MEI4: variants seen among roughly 807,000 people sequenced by gnomAD.
The protein encoded by MEI4 is meiotic double-stranded break formation protein 4, also known as meiosis-specific protein MEI4.
A neutral mutation model predicts 31.4 loss-of-function variants in MEI4; 27 were observed. The observed-to-expected ratio is 0.86, with a 90% CI of 0.63 to 1.19. The LOEUF (loss-of-function observed/expected upper bound fraction) is 1.19. Among genes scored for constraint, MEI4 ranks in the 50% most tolerant of loss-of-function variants. The pLI is 0.00. For missense variants in MEI4, 329 were observed against 398.9 expected (o/e 0.82, Z 1.49); for synonymous variants, 122 against 145.4 (o/e 0.84, Z 1.16).
chr6:77,665,122 TAAG>T (rs1768597918), intron 1 of MEI4, among the ~76,000 whole-genome samples: 1 of 149,400 alleles, frequency 6.7e-6, no homozygotes. Context: ...GGCGCAGAGA[TAAG>T]AGGTCGGGGC....
intron 4 of MEI4, among the ~76,000 whole-genome samples, chr6:77,831,621 T>C (rs34175887): frequency 0.092 from 13,948 of 151,682 alleles, 932 homozygotes; most frequent in East Asian, 0.31. Context: ...TGGATGGAAC[T>C]GTAGGTGATT....
intron 4 of MEI4, among the ~76,000 whole-genome samples, chr6:77,891,673 G>T (rs1179004755): frequency 1.3e-5 from 2 of 151,886 alleles, no homozygotes; most frequent in Non-Finnish European, 2.9e-5. Flanking sequence ...CTTTGAAATT[G>T]TCATGTTTCC....
At chr6:77,761,687 T>A (rs1161548554) in intron 3 of MEI4, 22 bp downstream of exon 3, 1 of 1,218,004 alleles carries the variant, frequency 8.2e-7, no homozygotes, top group Non-Finnish European at 1.0e-6. Context: ...ATCCCTCTTT[T>A]ATTCCTAAAA....
chr6:77,919,563 A>C (rs1476550302), intron 4 of MEI4, among the ~76,000 whole-genome samples: 1 of 152,034 alleles, frequency 6.6e-6, no homozygotes, highest in Non-Finnish European at 1.5e-5. Context: ...TCCAAAATTG[A>C]CACCCTAACA....
intron 3 of MEI4, among the ~76,000 whole-genome samples, chr6:77,783,230 C>A (rs906239855): frequency 6.6e-6 from 1 of 152,164 alleles, no homozygotes; most frequent in African/African-American, 2.4e-5. Flanking sequence ...TTGGATGAAT[C>A]CTGGGATGCA....
At chr6:77,653,905 T>C (rs1172348732) in intron 1 of MEI4, among the ~76,000 whole-genome samples, 1 of 152,208 alleles carries the variant, frequency 6.6e-6, no homozygotes, top group Non-Finnish European at 1.5e-5. Flanking sequence ...TATGTATCTT[T>C]TAATATACAT....
chr6:77,866,170 A>G (rs2127723219), intron 4 of MEI4, among the ~76,000 whole-genome samples: 1 of 152,148 alleles, frequency 6.6e-6, no homozygotes, highest in East Asian at 1.9e-4. Flanking sequence ...AAACTGGCAC[A>G]AGACAGGGAT....
intron 2 of MEI4, among the ~76,000 whole-genome samples, chr6:77,730,714 T>C (rs1029670549): frequency 6.6e-6 from 1 of 151,972 alleles, no homozygotes; most frequent in Non-Finnish European, 1.5e-5. Flanking sequence ...GCCATGCTGG[T>C]GCGCTGCACC....
intron 2 of MEI4, among the ~76,000 whole-genome samples, chr6:77,750,890 A>T (rs901265382): frequency 6.6e-6 from 1 of 152,224 alleles, no homozygotes; most frequent in African/African-American, 2.4e-5. Context: ...TTCTTAGCAA[A>T]TGCAAAAGAA....
At chr6:77,922,314 A>T (rs1159439217) in intron 4 of MEI4, among the ~76,000 whole-genome samples, 1 of 151,694 alleles carries the variant, frequency 6.6e-6, no homozygotes, top group Non-Finnish European at 1.5e-5. Flanking sequence ...AGTTCTGTGG[A>T]TTTGAGTTCT....
At chr6:77,801,930 A>C (rs928610933) in intron 3 of MEI4, among the ~76,000 whole-genome samples, 3 of 152,104 alleles carry the variant, frequency 2.0e-5, no homozygotes, top group Non-Finnish European at 4.4e-5. Context: ...ATGGTGCTGA[A>C]AGGAATGTAT....
At chr6:77,852,395 A>G (rs1770646861) in intron 4 of MEI4, among the ~76,000 whole-genome samples, 1 of 152,216 alleles carries the variant, frequency 6.6e-6, no homozygotes, top group African/African-American at 2.4e-5. Flanking sequence ...CATATAATGT[A>G]TTAATATTAG....
In MEI4 at chr6:77,700,441, GA is replaced by G. The variant is rs535248400; in HGVS notation, c.232+9542del. ...GGTGTGCCGTTTTTTAAGCCCGTTG[GA>G]AAAGCGCAGTATTTGGATGGGAGTG... On this transcript the variant is annotated intron_variant, in intron 2 of 4. Transcript: ENST00000684080. 1.8e-3 allele frequency among the ~76,000 whole-genome samples: 281 copies of G among 152,290 alleles called. 3 individuals are homozygous for G. The highest frequency in any genetic ancestry group is 6.5e-3 in the African/African-American group (269 of 41,560).
chr6:77,757,260 A>G (rs1394664624), intron 2 of MEI4, among the ~76,000 whole-genome samples: 1 of 152,224 alleles, frequency 6.6e-6, no homozygotes, highest in African/African-American at 2.4e-5. Flanking sequence ...TGATATTTTG[A>G]CTTTAACATT....
At position 77,728,167 on chromosome 6, in the gene MEI4, A is replaced by G. The variant is rs142037756; in HGVS notation, c.233-32963A>G. ...ATGTTTATTGGTTGGATGATTATAT[A>G]GGTAACTGAAAGTTAAAAAAATATT... On this transcript the variant is annotated intron_variant, in intron 2 of 4. Coordinates refer to ENST00000684080, the MANE Select transcript of MEI4 (RefSeq NM_001322247.2). 1.4e-3 allele frequency among the ~76,000 whole-genome samples: 212 copies of G among 152,350 alleles called. 1 individual carries two copies. Among genetic ancestry groups the G allele is most frequent in the African/African-American group, 4.5e-3 (186 of 41,588 alleles).
intron 4 of MEI4, among the ~76,000 whole-genome samples, chr6:77,895,588 T>C (rs1481830237): frequency 6.6e-6 from 1 of 152,162 alleles, no homozygotes; most frequent in Non-Finnish European, 1.5e-5. Context: ...CTATTCCCTT[T>C]AGAGTTCTTT....
At chr6:77,722,545 T>TAGTATATA (rs1382880571) in intron 2 of MEI4, among the ~76,000 whole-genome samples, 1 of 150,846 alleles carries the variant, frequency 6.6e-6, no homozygotes, top group African/African-American at 2.4e-5. Flanking sequence ...CCCTAGTCCC[T>TAGTATATA]TTCCTGGTAT....
At chr6:77,727,872 C>G (rs907872240) in intron 2 of MEI4, among the ~76,000 whole-genome samples, 5 of 152,230 alleles carry the variant, frequency 3.3e-5, no homozygotes, top group Non-Finnish European at 5.9e-5. Flanking sequence ...AGCATCCTCG[C>G]AGGAGTTTCC....
rs9443488 is a variant in MEI4 at position 77,912,862 on chromosome 6, A to C, written c.901-10227A>C. On this transcript the variant is annotated intron_variant, in intron 4 of 4. Coordinates refer to ENST00000684080, the MANE Select transcript of MEI4 (RefSeq NM_001322247.2). ...ATGTGGAATAAAAATATTAGAGTTA[A>C]ACTAGGTATCTTTGTCTTGTTCCAG... Among the ~76,000 whole-genome samples the C allele has an allele frequency of 7.0e-3, 1,059 of 152,210 alleles. 13 individuals are homozygous for C. Among genetic ancestry groups the C allele is most frequent in the African/African-American group, 0.024 (999 of 41,550 alleles).
Sources: gnomAD v4.1 joint callset for allele counts (sites outside exome capture counted in the v4.1 genomes callset) on GRCh38, gnomAD v4.1.1 for gene constraint, MANE v1.5 for transcripts, NCBI Gene and HGNC (gene_info 2026-07-23, HGNC 2026-07-21) for gene names.